The following COA1 variants were observed in gnomAD, a reference collection of about 807,000 sequenced individuals.
The protein encoded by COA1 is cytochrome c oxidase assembly factor 1 homolog.
COA1 carries 13 observed loss-of-function variants against 16.0 expected under a neutral mutation model. That is an observed-to-expected ratio of 0.81 (90% CI 0.53 to 1.29). The LOEUF is 1.29. COA1 is among the 50% of genes most tolerant of loss of function. The pLI is 0.00. For synonymous variants in COA1, 65 were observed against 65.7 expected, an observed-to-expected ratio of 0.99 and a Z score of 0.05; for missense variants, 179 against 177.0, an observed-to-expected ratio of 1.01 and a Z score of -0.06.
At chr7:43,653,131 T>C (rs1389803053) in intron 1 of COA1, among the ~76,000 whole-genome samples, 1 of 151,976 alleles carries the variant, frequency 6.6e-6, no homozygotes, top group African/African-American at 2.4e-5. Context: ...GCTAACGTGG[T>C]GAAACCCCGT....
chr7:43,702,607 C>T lies in COA1; in HGVS notation c.-39+26822G>A, dbSNP rs2094794694. The stretch of plus-strand genomic sequence containing the variant: ...TCAATCTTGGGGGGTTGTATGTTTC[C>T]AGAAATTTATCCATTTATTCTAGGT... On this transcript the variant is annotated intron_variant, in intron 1 of 5. Coordinates refer to ENST00000223336, the MANE Select transcript of COA1 (RefSeq NM_018224.4). 1.3e-5 allele frequency among the ~76,000 whole-genome samples: 2 copies of T among 151,970 alleles called. 1 individual carries two copies. Among genetic ancestry groups the T allele is most frequent in the South Asian group, 4.1e-4 (2 of 4,822 alleles).
At chr7:43,723,987 A>G (rs1323625897) in intron 1 of COA1, among the ~76,000 whole-genome samples, 1 of 152,236 alleles carries the variant, frequency 6.6e-6, no homozygotes, top group African/African-American at 2.4e-5. Flanking sequence ...AAAACTATCC[A>G]TGATAAACTT....
rs1048980590 is a variant in COA1, at chr7:43,651,129, C to A, written c.-38-2477G>T. Among the ~76,000 whole-genome samples, 24 of 152,322 alleles carry A rather than the reference C, an allele frequency of 1.6e-4. 3 individuals carry two copies. The highest frequency in any genetic ancestry group is 8.5e-4 in the Admixed American group (13 of 15,302). On this transcript the variant is annotated intron_variant, in intron 1 of 5. Coordinates refer to ENST00000223336, the MANE Select transcript of COA1 (RefSeq NM_018224.4). ...GAATAGATGGAGTTTAGGCTAACTG[C>A]ACGAATATTACCTCTTAGAACTAGT...
chr7:43,695,608 T>A (rs566390838), intron 1 of COA1, among the ~76,000 whole-genome samples: 1 of 152,190 alleles, frequency 6.6e-6, no homozygotes, highest in East Asian at 1.9e-4. Flanking sequence ...AATGAATGAA[T>A]GAATAGTGCT....
At chr7:43,728,505 A>G (rs1289066567) in intron 1 of COA1, among the ~76,000 whole-genome samples, 1 of 152,212 alleles carries the variant, frequency 6.6e-6, no homozygotes, top group African/African-American at 2.4e-5. Context: ...AAATTACCGT[A>G]GACTGGCATG....
chr7:43,666,273 G>A (rs2092882533), intron 1 of COA1, among the ~76,000 whole-genome samples: 1 of 152,170 alleles, frequency 6.6e-6, no homozygotes, highest in Non-Finnish European at 1.5e-5. Context: ...GCACTACACT[G>A]TTTATACGGA....
At chr7:43,668,915 C>T (rs978598383) in intron 1 of COA1, among the ~76,000 whole-genome samples, 2 of 152,174 alleles carry the variant, frequency 1.3e-5, no homozygotes, top group Admixed American at 1.3e-4. Context: ...CAGAGTAGCA[C>T]CTTCTAACTG....
chr7:43,630,217 T>C (rs1486029875), intron 6 of COA1, among the ~76,000 whole-genome samples: 2 of 152,334 alleles, frequency 1.3e-5, no homozygotes, highest in East Asian at 3.9e-4. Context: ...TTAAAATAGA[T>C]ATTTTCTATT....
At chr7:43,671,641 A>G (rs1207083812) in intron 1 of COA1, among the ~76,000 whole-genome samples, 1 of 152,216 alleles carries the variant, frequency 6.6e-6, no homozygotes, top group Non-Finnish European at 1.5e-5. Context: ...ATATTTTTCT[A>G]CAACGAGAAA....
intron 1 of COA1, among the ~76,000 whole-genome samples, chr7:43,663,060 G>A (rs1432466063): frequency 6.6e-6 from 1 of 152,140 alleles, no homozygotes; most frequent in Non-Finnish European, 1.5e-5. Flanking sequence ...TGATTGGGGT[G>A]GATTTCTCTT....
At chr7:43,684,909 C>T (rs138572165) in intron 1 of COA1, among the ~76,000 whole-genome samples, 42 of 152,216 alleles carry the variant, frequency 2.8e-4, no homozygotes, top group African/African-American at 9.9e-4. Flanking sequence ...TCTTCACATT[C>T]ATCTCCCTCT....
At chr7:43,720,430 CCTTTTT>C (rs1174403733) in intron 1 of COA1, among the ~76,000 whole-genome samples, 1 of 152,014 alleles carries the variant, frequency 6.6e-6, no homozygotes, top group East Asian at 1.9e-4. Flanking sequence ...TGGTCCCCTT[CCTTTTT>C]CTTTTTTTTT....
At chr7:43,628,921 T>TA (rs2153035478) in intron 6 of COA1, among the ~76,000 whole-genome samples, 1 of 152,344 alleles carries the variant, frequency 6.6e-6, no homozygotes, top group East Asian at 1.9e-4. Flanking sequence ...TTGTGCTCTT[T>TA]AAGAAGTCTT....
At chr7:43,694,176 T>A (rs968147634) in intron 1 of COA1, among the ~76,000 whole-genome samples, 6 of 146,522 alleles carry the variant, frequency 4.1e-5, no homozygotes, top group Admixed American at 2.8e-4. Context: ...TTCCAGCAAT[T>A]CTCCCATCTC....
chr7:43,637,858 A>G (rs1334156752), downstream of COA1, among the ~76,000 whole-genome samples: 10 of 152,364 alleles, frequency 6.6e-5, no homozygotes, highest in Admixed American at 1.3e-4. Flanking sequence ...GGCCAACCTA[A>G]GCCCTGGTTT....
intron 1 of COA1, among the ~76,000 whole-genome samples, chr7:43,679,215 C>T (rs553753252): frequency 5.7e-5 from 8 of 139,722 alleles, no homozygotes; most frequent in Non-Finnish European, 9.0e-5. Context: ...TGCAGTGAGC[C>T]GGGATCGCAG....
chr7:43,621,850 CTCT>C (rs2083925089), intron 6 of COA1, among the ~76,000 whole-genome samples: 2 of 139,510 alleles, frequency 1.4e-5, no homozygotes, highest in Middle Eastern at 3.5e-3. Context: ...AGGGACTCTC[CTCT>C]TTTTCCTTCC....
At chr7:43,672,542 C>T (rs991698198) in intron 1 of COA1, among the ~76,000 whole-genome samples, 8 of 152,262 alleles carry the variant, frequency 5.3e-5, no homozygotes, top group South Asian at 2.1e-4. Context: ...GAGGCCAAGG[C>T]GGGCAGATCA....
intron 1 of COA1, among the ~76,000 whole-genome samples, chr7:43,714,595 C>T (rs1180612874): frequency 6.6e-6 from 1 of 151,094 alleles, no homozygotes; most frequent in Admixed American, 6.6e-5. Context: ...TGCCATTGCA[C>T]TCCAGCCTGG....
Sources: gnomAD v4.1 joint callset for allele counts (sites outside exome capture counted in the v4.1 genomes callset) on GRCh38, gnomAD v4.1.1 for gene constraint, MANE v1.5 for transcripts, NCBI Gene and HGNC (gene_info 2026-07-23, HGNC 2026-07-21) for gene names.